Variants in KCTD8 observed in about 807,000 individuals in gnomAD.
KCTD8 encodes the protein potassium channel tetramerization domain containing 8, also known as BTB/POZ domain-containing protein KCTD8.
Under a neutral mutation model 31.5 loss-of-function variants are expected in KCTD8, and 27 were observed. The ratio of observed to expected loss-of-function variants is 0.86; its 90% CI spans 0.63 to 1.18. The LOEUF (loss-of-function observed/expected upper bound fraction) is 1.18. Among genes scored for constraint, KCTD8 ranks in the 50% most tolerant of loss-of-function variants. The pLI, the probability that KCTD8 is intolerant of heterozygous loss-of-function variation, is 0.00. For synonymous variants in KCTD8, 290 were observed against 280.0 expected, an observed-to-expected ratio of 1.04 and a Z score of -0.36; for missense variants, 658 against 647.7, an observed-to-expected ratio of 1.02 and a Z score of -0.17.
chr4:44,267,038 G>C (rs1156901583), intron 1 of KCTD8, among the ~76,000 whole-genome samples: 1 of 152,092 alleles, frequency 6.6e-6, no homozygotes, highest in Non-Finnish European at 1.5e-5. Context: ...TCTGCACCAA[G>C]CAGACCTAAT....
intron 1 of KCTD8, among the ~76,000 whole-genome samples, chr4:44,296,223 T>C (rs1375951863): frequency 6.6e-6 from 1 of 152,128 alleles, no homozygotes; most frequent in Admixed American, 6.6e-5. Flanking sequence ...AGATAAGTCC[T>C]CCCTTTTTTT....
At chr4:44,323,313 G>A (rs1377031490) in intron 1 of KCTD8, among the ~76,000 whole-genome samples, 5 of 151,842 alleles carry the variant, frequency 3.3e-5, no homozygotes, top group Non-Finnish European at 7.4e-5. Context: ...GGCCAACATG[G>A]TGAAGCCCTC....
intron 1 of KCTD8, among the ~76,000 whole-genome samples, chr4:44,377,637 G>A (rs573622164): frequency 6.6e-6 from 1 of 152,284 alleles, no homozygotes; most frequent in African/African-American, 2.4e-5. Flanking sequence ...AGTTCCTCTT[G>A]TTTAAGTCTA....
intron 1 of KCTD8, among the ~76,000 whole-genome samples, chr4:44,215,689 AT>A (rs1714627033): frequency 6.6e-6 from 1 of 152,202 alleles, no homozygotes; most frequent in South Asian, 2.1e-4. Flanking sequence ...TATTTTCCCA[AT>A]TTGTAACAAA....
chr4:44,273,281 ACTAT>A (rs751491771), intron 1 of KCTD8, among the ~76,000 whole-genome samples: 1 of 151,976 alleles, frequency 6.6e-6, no homozygotes, highest in Non-Finnish European at 1.5e-5. Context: ...AAGGCATTTG[ACTAT>A]CTATTTGAAT....
intron 1 of KCTD8, among the ~76,000 whole-genome samples, chr4:44,272,864 T>C (rs1716652807): frequency 6.6e-6 from 1 of 152,030 alleles, no homozygotes; most frequent in South Asian, 2.1e-4. Flanking sequence ...ATTCCTCAAA[T>C]ACGAAAACAT....
intron 1 of KCTD8, among the ~76,000 whole-genome samples, chr4:44,332,416 T>C (rs1443022401): frequency 6.6e-6 from 1 of 152,004 alleles, no homozygotes; most frequent in Non-Finnish European, 1.5e-5. Context: ...AGTACTTGCA[T>C]TTATAAAATA....
chr4:44,448,332 G>A lies in KCTD8; in HGVS notation c.192C>T (p.Ser64=). 6.3e-7 allele frequency: 1 copy of A among 1,597,242 alleles called. No homozygotes were observed. The highest frequency in any genetic ancestry group is 8.5e-7 in the Non-Finnish European group (1 of 1,172,600). ...VYVTKHSTLL[S]VPDSTLASMF... is the part of the protein sequence containing the mutation. ...TGCTGGCCAAAGTACTGTCCGGGAC[G>A]CTGAGCAGCGTCGAGTGCTTGGTCA... The change falls in exon 1 of 2, where the codon AGC becomes AGT. Residue 64 remains serine (S), a synonymous_variant. Coordinates refer to ENST00000360029, the MANE Select transcript of KCTD8 (RefSeq NM_198353.3). This position sits in a 1 kb window ranked among gnomAD's most constrained non-coding sequence, Gnocchi z 4.1.
chr4:44,315,234 G>A (rs1297666097), intron 1 of KCTD8, among the ~76,000 whole-genome samples: 1 of 151,448 alleles, frequency 6.6e-6, no homozygotes, highest in East Asian at 1.9e-4. Flanking sequence ...TTTTACCCTG[G>A]ATTAAAAGAA....
chr4:44,359,107 T>C (rs1460498077), intron 1 of KCTD8, among the ~76,000 whole-genome samples: 1 of 152,220 alleles, frequency 6.6e-6, no homozygotes, highest in Non-Finnish European at 1.5e-5. Context: ...TCCAGTTCTA[T>C]AGGTTGCCTG....
intron 1 of KCTD8, among the ~76,000 whole-genome samples, chr4:44,316,454 T>C (rs985975273): frequency 6.6e-6 from 1 of 152,160 alleles, no homozygotes; most frequent in African/African-American, 2.4e-5. Flanking sequence ...TTGATGATGT[T>C]GTCTTCAGAT....
At chr4:44,194,394 A>G (rs931786087) in intron 1 of KCTD8, among the ~76,000 whole-genome samples, 31 of 152,240 alleles carry the variant, frequency 2.0e-4, no homozygotes, top group Non-Finnish European at 4.4e-4. Context: ...ATTATAAGGT[A>G]AAAAGATGTA....
intron 1 of KCTD8, among the ~76,000 whole-genome samples, chr4:44,296,438 G>A (rs1286389174): frequency 6.6e-6 from 1 of 151,646 alleles, no homozygotes; most frequent in East Asian, 1.9e-4. Flanking sequence ...GTGTTAATTA[G>A]GCATTTATGA....
At chr4:44,413,444 G>C (rs1200324761) in intron 1 of KCTD8, among the ~76,000 whole-genome samples, 1 of 152,072 alleles carries the variant, frequency 6.6e-6, no homozygotes, top group Admixed American at 6.6e-5. Context: ...CTACATCCCT[G>C]TTATCTATTA....
intron 1 of KCTD8, among the ~76,000 whole-genome samples, chr4:44,254,624 ACAAGAT>A (rs1715942448): frequency 6.6e-6 from 1 of 151,016 alleles, no homozygotes; most frequent in African/African-American, 2.4e-5. Flanking sequence ...TTTTAGCCTC[ACAAGAT>A]CACTTTTCAA....
intron 1 of KCTD8, among the ~76,000 whole-genome samples, chr4:44,206,271 C>G (rs1185213848): frequency 1.3e-5 from 2 of 152,066 alleles, no homozygotes; most frequent in Non-Finnish European, 2.9e-5. Context: ...GAAACAATTA[C>G]ACGGTAACCA....
intron 1 of KCTD8, among the ~76,000 whole-genome samples, chr4:44,302,419 G>A (rs1427150325): frequency 1.3e-5 from 2 of 152,076 alleles, no homozygotes; most frequent in African/African-American, 4.8e-5. Flanking sequence ...AGTTCTCCTT[G>A]AAGAGGTCCT....
intron 1 of KCTD8, among the ~76,000 whole-genome samples, chr4:44,180,561 T>A (rs911304191): frequency 6.6e-6 from 1 of 151,524 alleles, no homozygotes; most frequent in African/African-American, 2.4e-5. Flanking sequence ...AATATTATTT[T>A]TGAAGAACAG....
chr4:44,420,535 G>A (rs544611743), intron 1 of KCTD8, among the ~76,000 whole-genome samples: 2 of 152,278 alleles, frequency 1.3e-5, no homozygotes, highest in South Asian at 4.1e-4. Context: ...TGTTTCAAGA[G>A]AAGTTTATTT....
Sources: gnomAD v4.1 joint callset for allele counts (sites outside exome capture counted in the v4.1 genomes callset) on GRCh38, gnomAD v4.1.1 for gene constraint, Gnocchi (gnomAD v3.1) non-coding constraint, MANE v1.5 for transcripts, NCBI Gene and HGNC (gene_info 2026-07-23, HGNC 2026-07-21) for gene names.